The following NWD2 variants were observed in gnomAD, a reference collection of about 807,000 sequenced individuals.
NWD2 encodes the protein NACHT and WD repeat domain-containing protein 2.
Under a neutral mutation model 132.7 loss-of-function variants are expected in NWD2, and 37 were observed. The ratio of observed to expected loss-of-function variants is 0.28; its 90% CI spans 0.21 to 0.37. The LOEUF (loss-of-function observed/expected upper bound fraction) is 0.37. Among genes scored for constraint, NWD2 ranks in the 10% least tolerant of loss-of-function variants. The pLI is 1.00. For missense variants in NWD2, 1,592 were observed against 2,122.4 expected (o/e 0.75, Z 4.91); for synonymous variants, 705 against 803.0 (o/e 0.88, Z 2.06).
chr4:37,297,411 C>A (rs1583456), intron 1 of NWD2, among the ~76,000 whole-genome samples: 13,600 of 152,054 alleles, frequency 0.089, 1,908 homozygotes, highest in African/African-American at 0.3. Context: ...AGGAACCTGC[C>A]GATATGGAAG....
intron 2 of NWD2, among the ~76,000 whole-genome samples, chr4:37,342,234 C>T (rs1290053460): frequency 6.6e-6 from 1 of 152,098 alleles, no homozygotes; most frequent in Non-Finnish European, 1.5e-5. Flanking sequence ...ACCAGGAGAT[C>T]TGGCTATTTA....
intron 1 of NWD2, among the ~76,000 whole-genome samples, chr4:37,323,074 C>G (rs1310855052): frequency 2.0e-5 from 3 of 152,100 alleles, no homozygotes; most frequent in South Asian, 2.1e-4. Context: ...TTTCTAACCC[C>G]TCTGCCCTTT....
At position 37,436,080 on chromosome 4, in the gene NWD2, G is replaced by A. The variant is rs552736930; in HGVS notation, c.706+2060G>A. Reference sequence around the variant, plus strand: ...CGAGAAATAAATTAGACTCTAAAATGGTGCCCTTCTGAGAACATCAAAACT... The same window carrying A: ...CGAGAAATAAATTAGACTCTAAAATAGTGCCCTTCTGAGAACATCAAAACT... On this transcript the variant is annotated intron_variant, in intron 5 of 6. Coordinates refer to ENST00000309447, the MANE Select transcript of NWD2 (RefSeq NM_001144990.2). Among the ~76,000 whole-genome samples the A allele has an allele frequency of 2.1e-3, 325 of 151,984 alleles. 1 individual carries two copies. Among genetic ancestry groups the A allele is most frequent in the African/African-American group, 7.5e-3 (311 of 41,458 alleles).
chr4:37,244,909 G>T lies in NWD2; in HGVS notation c.-159G>T. 1 of 889,262 alleles carries T rather than the reference G, an allele frequency of 1.1e-6. No individual in the cohort carries two copies. The highest frequency in any genetic ancestry group is 1.6e-6 in the Non-Finnish European group (1 of 612,314). The allele number at this position is 889,262 out of a possible 1,614,324, so 55.1% of individuals were successfully genotyped here. Reference sequence around the variant, plus strand: ...TTCTCCTCGCCGGCGGGTGCTGTGCGCCACGGAGCTCGCCAAAGGCGCTTC... The same window carrying T: ...TTCTCCTCGCCGGCGGGTGCTGTGCTCCACGGAGCTCGCCAAAGGCGCTTC... On this transcript the variant is annotated 5_prime_UTR_variant, in exon 1 of 7. Transcript: ENST00000309447. The surrounding 1 kb of genome is among the most constrained non-coding windows in gnomAD (Gnocchi z 5.5).
At chr4:37,416,173 A>G (rs1711595037) in intron 3 of NWD2, among the ~76,000 whole-genome samples, 1 of 152,210 alleles carries the variant, frequency 6.6e-6, no homozygotes, top group African/African-American at 2.4e-5. Flanking sequence ...TGTGCAATGT[A>G]TCCAGGCCGG....
chr4:37,283,878 C>T (rs1474044345), intron 1 of NWD2, among the ~76,000 whole-genome samples: 1 of 152,118 alleles, frequency 6.6e-6, no homozygotes, highest in Non-Finnish European at 1.5e-5. Context: ...TTCCTAAGCT[C>T]TTGGGGCTTC....
chr4:37,336,971 A>AG (rs1553894059), intron 2 of NWD2, among the ~76,000 whole-genome samples: 5 of 150,448 alleles, frequency 3.3e-5, no homozygotes, highest in African/African-American at 1.2e-4. Flanking sequence ...AAAAAAAAAA[A>AG]CAAGAAATTG....
At chr4:37,384,968 T>C (rs1720531772) in intron 3 of NWD2, among the ~76,000 whole-genome samples, 1 of 152,228 alleles carries the variant, frequency 6.6e-6, no homozygotes, top group African/African-American at 2.4e-5. Flanking sequence ...CACACGTTGC[T>C]GATTACCCTG....
intron 1 of NWD2, among the ~76,000 whole-genome samples, chr4:37,299,096 C>T (rs2109275709): frequency 6.6e-6 from 1 of 152,236 alleles, no homozygotes; most frequent in South Asian, 2.1e-4. Context: ...TGCATTCCTC[C>T]TTTTCCTACT....
rs1720310526 is a variant in NWD2, at chr4:37,374,792, C to T, written c.357+18310C>T. 2.0e-5 allele frequency among the ~76,000 whole-genome samples: 3 copies of T among 152,224 alleles called. No homozygotes were observed. The South Asian group carries it at 6.2e-4, about 31-fold the overall frequency. On this transcript the variant is annotated intron_variant, in intron 3 of 6. Transcript: ENST00000309447. Reference sequence around the variant, plus strand: ...CAACAATACTAATACTTAGCACTGACTGCATGCATCTAAGCTACATATATA... The same window carrying T: ...CAACAATACTAATACTTAGCACTGATTGCATGCATCTAAGCTACATATATA...
intron 3 of NWD2, among the ~76,000 whole-genome samples, chr4:37,375,632 G>C (rs2376785): frequency 0.53 from 79,261 of 149,578 alleles, 23,193 homozygotes; most frequent in Non-Finnish European, 0.67. Context: ...GCAGTGGGGC[G>C]ATCTCGGCTC....
chr4:37,313,918 G>T (rs180769653), intron 1 of NWD2, among the ~76,000 whole-genome samples: 3 of 150,920 alleles, frequency 2.0e-5, no homozygotes, highest in Admixed American at 6.6e-5. Flanking sequence ...GGCTGGTCTC[G>T]ATCTCCTGAC....
chr4:37,364,349 C>T (rs1260591968), intron 3 of NWD2, among the ~76,000 whole-genome samples: 1 of 151,956 alleles, frequency 6.6e-6, no homozygotes, highest in Non-Finnish European at 1.5e-5. Context: ...GCAGGTGACC[C>T]TAGAAGAGCC....
chr4:37,404,846 C>T lies in NWD2; in HGVS notation c.358-25726C>T, dbSNP rs115513535. ...GCAATAGAGAGAGGGGAAGGTGCTA[C>T]ACACTTATAAACAACCAGATCTGGT... On this transcript the variant is annotated intron_variant, in intron 3 of 6. Coordinates refer to ENST00000309447, the MANE Select transcript of NWD2 (RefSeq NM_001144990.2). Among the ~76,000 whole-genome samples, 888 of 152,278 alleles carry T rather than the reference C, an allele frequency of 5.8e-3. 8 individuals carry two copies. The highest frequency in any genetic ancestry group is 0.02 in the African/African-American group (819 of 41,548).
intron 3 of NWD2, among the ~76,000 whole-genome samples, chr4:37,422,577 T>C (rs1405139921): frequency 6.6e-6 from 1 of 152,232 alleles, no homozygotes; most frequent in Non-Finnish European, 1.5e-5. Context: ...CTATTCTGTG[T>C]ATATATGTAT....
At chr4:37,253,009 C>CG (rs1373006575) in intron 1 of NWD2, among the ~76,000 whole-genome samples, 3 of 151,188 alleles carry the variant, frequency 2.0e-5, no homozygotes, top group East Asian at 3.9e-4. Flanking sequence ...CAACCCCCCC[C>CG]CCTTATGTTT....
chr4:37,371,397 A>G (rs1035425988), intron 3 of NWD2, among the ~76,000 whole-genome samples: 1 of 152,132 alleles, frequency 6.6e-6, no homozygotes, highest in Non-Finnish European at 1.5e-5. Context: ...ATGTTAAGCA[A>G]TAAGTACATC....
chr4:37,382,079 A>G (rs1720465065), intron 3 of NWD2, among the ~76,000 whole-genome samples: 1 of 152,208 alleles, frequency 6.6e-6, no homozygotes. Flanking sequence ...ACATTTCTCA[A>G]GAGAGAAGAA....
Position 37,444,460 on chromosome 4 carries a change from T to C in NWD2, c.2472T>C (p.Pro824=). 6.4e-7 allele frequency: 1 copy of C among 1,551,956 alleles called. No homozygotes were observed. Among genetic ancestry groups the C allele is most frequent in the Non-Finnish European group, 8.7e-7 (1 of 1,147,042 alleles). ...PWVFQCNPLE[P]DIFFVNHRKM... is the part of the protein sequence containing the mutation. The stretch of plus-strand genomic sequence containing the variant: ...TTTTCCAGTGTAATCCCCTGGAACC[T>C]GACATCTTTTTCGTTAATCATCGGA... The change falls in exon 7 of 7, where the codon CCT becomes CCC. Residue 824 remains proline, a synonymous_variant. Coordinates refer to ENST00000309447, the MANE Select transcript of NWD2 (RefSeq NM_001144990.2). The surrounding 1 kb of genome is among the most constrained non-coding windows in gnomAD (Gnocchi z 4.8).
Sources: allele counts gnomAD v4.1 joint callset (sites outside exome capture counted in the v4.1 genomes callset), GRCh38; gene constraint gnomAD v4.1.1; non-coding constraint Gnocchi (gnomAD v3.1); transcripts MANE v1.5; gene names NCBI Gene and HGNC (gene_info 2026-07-23, HGNC 2026-07-21).